UBE2K: variants seen among roughly 807,000 people sequenced by gnomAD.
UBE2K encodes the protein ubiquitin conjugating enzyme E2 K.
A neutral mutation model predicts 30.0 loss-of-function variants in UBE2K; 6 were observed. The observed-to-expected ratio is 0.20, with a 90% CI of 0.11 to 0.39. UBE2K has a LOEUF of 0.39. UBE2K is among the 10% of genes least tolerant of loss of function. The pLI, the probability that UBE2K is intolerant of heterozygous loss-of-function variation, is 1.00. For synonymous variants in UBE2K, 86 were observed against 83.7 expected (o/e 1.03, Z -0.15); for missense variants, 61 against 241.6 (o/e 0.25, Z 4.96).
chr4:39,760,791 T>TA (rs908554111), intron 4 of UBE2K, among the ~76,000 whole-genome samples: 2 of 151,714 alleles, frequency 1.3e-5, no homozygotes, highest in East Asian at 1.9e-4. Flanking sequence ...AAATTAAAAT[T>TA]AAAAAAAATT....
rs1451864847 is a variant in UBE2K, at chr4:39,778,483, A to G, written c.*49A>G. ...TCAAGCTTGCCTCTTCTTGAGGAGCACCAACATCTGTTATTTTTAGGATTC... is the reference window on the plus strand; with the variant it reads ...TCAAGCTTGCCTCTTCTTGAGGAGCGCCAACATCTGTTATTTTTAGGATTC... On this transcript the variant is annotated 3_prime_UTR_variant, in exon 7 of 7. Coordinates refer to ENST00000261427, the MANE Select transcript of UBE2K (RefSeq NM_005339.5). 1 of 1,214,372 alleles carries G rather than the reference A, an allele frequency of 8.2e-7. No individual in the cohort carries two copies. The highest frequency in any genetic ancestry group is 1.9e-5 in the Admixed American group (1 of 51,356). 75.2% of individuals were successfully genotyped at this position (1,214,372 alleles called of 1,614,324 possible). A position where few individuals can be genotyped will look rare whatever the true frequency, so the allele number is the denominator to read the frequency against.
intron 1 of UBE2K, among the ~76,000 whole-genome samples, chr4:39,727,718 A>G (rs1719830858): frequency 6.6e-6 from 1 of 152,014 alleles, no homozygotes; most frequent in African/African-American, 2.4e-5. Context: ...GGATTGAAGT[A>G]TATAAATTCT....
At chr4:39,730,958 G>A (rs1407471654) in intron 1 of UBE2K, among the ~76,000 whole-genome samples, 1 of 151,590 alleles carries the variant, frequency 6.6e-6, no homozygotes. Context: ...TTACAGGAGT[G>A]TGCCACTATG....
intron 4 of UBE2K, among the ~76,000 whole-genome samples, chr4:39,773,801 G>A (rs1369014667): frequency 6.6e-6 from 1 of 151,978 alleles, no homozygotes; most frequent in Non-Finnish European, 1.5e-5. Context: ...GGCGCCTGTT[G>A]TCCCAGCTAC....
intron 1 of UBE2K, among the ~76,000 whole-genome samples, chr4:39,713,563 T>C (rs183157316): frequency 2.0e-5 from 3 of 151,806 alleles, no homozygotes; most frequent in Admixed American, 2.0e-4. Context: ...TTTTAAGTTG[T>C]AGTAAAATAC....
intron 2 of UBE2K, among the ~76,000 whole-genome samples, chr4:39,740,361 T>A (rs1720627256): frequency 6.6e-6 from 1 of 152,052 alleles, no homozygotes; most frequent in Admixed American, 6.6e-5. Context: ...AATGTATACT[T>A]ATATACATTA....
At chr4:39,717,895 AGTT>A in intron 1 of UBE2K, among the ~76,000 whole-genome samples, 1 of 142,190 alleles carries the variant, frequency 7.0e-6, no homozygotes, top group Admixed American at 6.8e-5. Flanking sequence ...GCGCGTCTGG[AGTT>A]GTTCGTTCCT....
chr4:39,770,278 A>G, intron 4 of UBE2K: 1 of 1,611,238 alleles, frequency 6.2e-7, no homozygotes, highest in Non-Finnish European at 8.5e-7. Flanking sequence ...TGTGTGAAGC[A>G]CTTGCCGCAG....
intron 3 of UBE2K, among the ~76,000 whole-genome samples, chr4:39,751,038 G>A (rs1469221685): frequency 6.6e-6 from 1 of 151,368 alleles, no homozygotes; most frequent in Admixed American, 6.6e-5. Context: ...GAGCCACCAC[G>A]CCTGGCCCCT....
intron 4 of UBE2K, among the ~76,000 whole-genome samples, chr4:39,767,495 T>A (rs1044257991): frequency 9.9e-5 from 15 of 152,032 alleles, no homozygotes; most frequent in African/African-American, 3.4e-4. Flanking sequence ...GGCTAATTTT[T>A]TTGTATTTTA....
intron 1 of UBE2K, among the ~76,000 whole-genome samples, chr4:39,731,914 A>T (rs948564881): frequency 6.6e-6 from 1 of 152,194 alleles, no homozygotes; most frequent in Non-Finnish European, 1.5e-5. Flanking sequence ...TTTTTATATC[A>T]ATAAGAATTA....
intron 1 of UBE2K, among the ~76,000 whole-genome samples, chr4:39,721,511 G>A (rs1026989557): frequency 2.4e-4 from 37 of 151,856 alleles, no homozygotes; most frequent in African/African-American, 8.2e-4. Flanking sequence ...GTGCCACCAC[G>A]CCCTGCTAAT....
intron 1 of UBE2K, among the ~76,000 whole-genome samples, chr4:39,701,338 A>G (rs1175410699): frequency 6.6e-6 from 1 of 152,146 alleles, no homozygotes; most frequent in Non-Finnish European, 1.5e-5. Flanking sequence ...CCCATAATCA[A>G]TGTTTTATTC....
At chr4:39,698,485 TC>T (rs1201881914) in intron 1 of UBE2K, 95 bp downstream of exon 1, 13 of 1,207,290 alleles carry the variant, frequency 1.1e-5, no homozygotes, top group South Asian at 7.8e-5. Context: ...CCCTGGGTGG[TC>T]CTCCTTGCGG....
intron 2 of UBE2K, 51 bp from the exon 3 acceptor site, chr4:39,745,701 A>G: frequency 8.1e-7 from 1 of 1,229,926 alleles, no homozygotes; most frequent in Non-Finnish European, 1.2e-6. Context: ...TATTTGTCTT[A>G]TATATTTGAA....
chr4:39,732,720 G>A (rs1720141384), intron 1 of UBE2K, among the ~76,000 whole-genome samples: 2 of 131,004 alleles, frequency 1.5e-5, no homozygotes, highest in Non-Finnish European at 3.1e-5. Flanking sequence ...TCGTAGCCCA[G>A]GCTGGAGTGC....
chr4:39,780,042 G>C lies in UBE2K; in HGVS notation c.*1608G>C, dbSNP rs965647187. 2 of 152,174 alleles carry C rather than the reference G, an allele frequency of 1.3e-5. No homozygotes were observed. Among genetic ancestry groups the C allele is most frequent in the South Asian group, 4.1e-4 (2 of 4,824 alleles). 9.4% of individuals were successfully genotyped at this position (152,174 alleles called of 1,614,324 possible). A position where few individuals can be genotyped will look rare whatever the true frequency, so the allele number is the denominator to read the frequency against. Reference sequence around the variant, plus strand: ...GAAGGTTCTTCCAAAAATTTGTAAGGCTTTCCTAATTAACAGTAAACTCTT... The same window carrying C: ...GAAGGTTCTTCCAAAAATTTGTAAGCCTTTCCTAATTAACAGTAAACTCTT... On this transcript the variant is annotated 3_prime_UTR_variant, in exon 7 of 7. Transcript: ENST00000261427.
intron 4 of UBE2K, among the ~76,000 whole-genome samples, chr4:39,767,952 C>T (rs933665949): frequency 2.6e-5 from 4 of 152,050 alleles, no homozygotes; most frequent in Non-Finnish European, 5.9e-5. Flanking sequence ...TTAAATAGTG[C>T]ACTTAAGTGT....
At chr4:39,729,541 T>C (rs1245993450) in intron 1 of UBE2K, among the ~76,000 whole-genome samples, 1 of 152,168 alleles carries the variant, frequency 6.6e-6, no homozygotes, top group Admixed American at 6.5e-5. Flanking sequence ...CCTGTCTGCC[T>C]TAATTCATCT....
Sources: gnomAD v4.1 joint callset for allele counts (sites outside exome capture counted in the v4.1 genomes callset) on GRCh38, gnomAD v4.1.1 for gene constraint, MANE v1.5 for transcripts, NCBI Gene and HGNC (gene_info 2026-07-23, HGNC 2026-07-21) for gene names.